Variants in NIT2 observed in about 807,000 individuals in gnomAD.
NIT2 encodes the protein omega-amidase NIT2.
A neutral mutation model predicts 42.7 loss-of-function variants in NIT2; 46 were observed. The ratio of observed to expected loss-of-function variants is 1.08; its 90% confidence interval spans 0.85 to 1.38. NIT2 has a LOEUF of 1.38. Among genes scored for constraint, NIT2 ranks in the 40% most tolerant of loss-of-function variants. The pLI, the probability that NIT2 is intolerant of heterozygous loss-of-function variation, is 0.00. For missense variants in NIT2, 309 were observed against 342.5 expected, an observed-to-expected ratio of 0.90 and a Z score of 0.77; for synonymous variants, 123 against 121.9, an observed-to-expected ratio of 1.01 and a Z score of -0.06.
intron 2 of NIT2, 96 bp downstream of exon 2, chr3:100,339,301 G>A (rs1016965354): frequency 2.4e-6 from 2 of 818,090 alleles, no homozygotes; most frequent in South Asian, 1.4e-5. Context: ...CTGGGGTCCA[G>A]CAGTGTCCCT....
chr3:100,352,289 C>T (rs1576203565), intron 7 of NIT2, 115 bp from the exon 8 acceptor site: 1 of 718,960 alleles, frequency 1.4e-6, no homozygotes. Flanking sequence ...CTTCCTTCTA[C>T]ATCTGAGTTA....
At chr3:100,341,699 G>C (rs958137213) in intron 4 of NIT2, among the ~76,000 whole-genome samples, 1 of 151,396 alleles carries the variant, frequency 6.6e-6, no homozygotes, top group Non-Finnish European at 1.5e-5. Context: ...GTATTTCATT[G>C]AATATATAGA....
chr3:100,352,037 A>AT (rs1706280387), intron 7 of NIT2, among the ~76,000 whole-genome samples: 1 of 152,232 alleles, frequency 6.6e-6, no homozygotes, highest in Non-Finnish European at 1.5e-5. Flanking sequence ...CATCAGAGAA[A>AT]TGCAAATCAA....
At chr3:100,341,008 T>A in intron 3 of NIT2, 65 bp from the exon 4 acceptor site, 2 of 1,070,260 alleles carry the variant, frequency 1.9e-6, no homozygotes, top group Admixed American at 3.7e-5. Flanking sequence ...CAGGCTTTTA[T>A]CCCTTTCTCA....
chr3:100,350,178 A>C (rs1473149614), intron 7 of NIT2, among the ~76,000 whole-genome samples: 2 of 152,148 alleles, frequency 1.3e-5, no homozygotes, highest in East Asian at 3.9e-4. Context: ...ATGTAAGGGA[A>C]AGAGGTTTTA....
intron 6 of NIT2, among the ~76,000 whole-genome samples, chr3:100,347,545 T>G (rs1178729850): frequency 6.6e-6 from 1 of 152,170 alleles, no homozygotes; most frequent in Non-Finnish European, 1.5e-5. Flanking sequence ...TCCTCCCACC[T>G]CAGCCTCCCA....
rs1005590870 is a variant in NIT2 at position 100,359,247 on chromosome 3, A to T, written c.*3979A>T. On this transcript the variant is annotated 3_prime_UTR_variant, in exon 10 of 10. Transcript: ENST00000394140. ...ATCAAATGAACAAGAATCTGCAAGA[A>T]CAGAACATGGTGGGCAGGGTCCAGT... The T allele has an allele frequency of 1.3e-5, 2 of 152,216 alleles. No homozygotes were observed. The highest frequency in any genetic ancestry group is 2.4e-5 in the African/African-American group (1 of 41,444). 9.4% of individuals were successfully genotyped at this position (152,216 alleles called of 1,614,324 possible). A position where few individuals can be genotyped will look rare whatever the true frequency, so the allele number is the denominator to read the frequency against.
intron 1 of NIT2, 85 bp from the exon 2 acceptor site, chr3:100,339,002 C>T (rs1214381): frequency 0.099 from 92,132 of 934,318 alleles, 11,877 homozygotes; most frequent in East Asian, 0.46. Flanking sequence ...GGGGACATAA[C>T]TGCCTTCCAT....
intron 7 of NIT2, among the ~76,000 whole-genome samples, chr3:100,351,673 T>A (rs35048586): frequency 1.3e-5 from 2 of 152,092 alleles, no homozygotes; most frequent in Middle Eastern, 3.2e-3. Flanking sequence ...AACCTAGGCA[T>A]TACCATTCAG....
rs753501982 is a variant in NIT2, at chr3:100,339,803, A to G, written c.127-12A>G. The G allele has an allele frequency of 1.9e-5, 30 of 1,596,198 alleles. No individual in the cohort carries two copies. Among genetic ancestry groups the G allele is most frequent in the African/African-American group, 2.7e-5 (2 of 73,756 alleles). On this transcript the variant is annotated splice_polypyrimidine_tract_variant and intron_variant, in intron 2 of 9. Coordinates refer to ENST00000394140, the MANE Select transcript of NIT2 (RefSeq NM_020202.5). ...TTTTGATCTTTTTTTTTCTCTGCCAATATTTTTCTAGGAATGCTTTAATTC... is the reference window on the plus strand; with the variant it reads ...TTTTGATCTTTTTTTTTCTCTGCCAGTATTTTTCTAGGAATGCTTTAATTC...
intron 7 of NIT2, 35 bp downstream of exon 7, chr3:100,348,916 A>G (rs779448350): frequency 1.3e-6 from 2 of 1,580,712 alleles, no homozygotes; most frequent in East Asian, 2.2e-5. Context: ...GCCTCTCGGC[A>G]TGTCCTCTTT....
rs1706316082 is a variant in NIT2 at position 100,355,340 on chromosome 3, C to A, written c.*72C>A. ...AACATAATCAACTCCCTATTAAATTCTTTAATGAAGATTTTTTTTTTAATT... is the reference window on the plus strand; with the variant it reads ...AACATAATCAACTCCCTATTAAATTATTTAATGAAGATTTTTTTTTTAATT... On this transcript the variant is annotated 3_prime_UTR_variant, in exon 10 of 10. Transcript: ENST00000394140. 2.5e-6 allele frequency: 3 copies of A among 1,184,152 alleles called. No individual in the cohort carries two copies. Among genetic ancestry groups the A allele is most frequent in the Non-Finnish European group, 3.6e-6 (3 of 822,632 alleles). 73.4% of individuals were successfully genotyped at this position (1,184,152 alleles called of 1,614,324 possible). A position where few individuals can be genotyped will look rare whatever the true frequency, so the allele number is the denominator to read the frequency against.
chr3:100,345,989 G>C, intron 5 of NIT2, 192 bp from the exon 6 acceptor site: 1 of 604,182 alleles, frequency 1.7e-6, no homozygotes, highest in South Asian at 2.0e-5. Context: ...TCTTTACTCC[G>C]CTGATGTAAA....
In NIT2 at chr3:100,339,835, T is replaced by C. The variant is rs141547481; in HGVS notation, c.147T>C (p.Tyr49=). ...VSLPECFNSP[Y]GAKYFPEYAE... ...TCTAGGAATGCTTTAATTCTCCATA[T>C]GGAGCGAAATATTTTCCTGAATATG... is the stretch of plus-strand genomic sequence containing the variant. Residue 49 remains tyrosine (Y), a synonymous_variant, in exon 3 of 10, where the codon TAT becomes TAC. Transcript: ENST00000394140. 7 of 1,609,332 alleles carry C rather than the reference T, an allele frequency of 4.3e-6. No individual in the cohort carries two copies. The African/African-American group carries it at 9.4e-5, about 22-fold the overall frequency.
rs1033316696 is a variant in NIT2 at position 100,341,187 on chromosome 3, TTTG to T, written c.336+29_336+31del. The T allele has an allele frequency of 3.9e-6, 6 of 1,541,052 alleles. No individual in the cohort carries two copies. The African/African-American group carries it at 8.2e-5, about 21-fold the overall frequency. Reference sequence around the variant, plus strand: ...GTAAGTAGGAAGTGTGGCATAAGAATTTGTTATCTCTAAGCCAGCAACAATGTG... The same window carrying T: ...GTAAGTAGGAAGTGTGGCATAAGAATTTATCTCTAAGCCAGCAACAATGTG... On this transcript the variant is annotated intron_variant, in intron 4 of 9. Coordinates refer to ENST00000394140, the MANE Select transcript of NIT2 (RefSeq NM_020202.5).
intron 6 of NIT2, among the ~76,000 whole-genome samples, chr3:100,347,674 C>T (rs886122194): frequency 2.0e-5 from 3 of 152,072 alleles, no homozygotes; most frequent in Non-Finnish European, 2.9e-5. Flanking sequence ...AAGTTGATAC[C>T]GGTGGGCTAG....
In NIT2 at chr3:100,359,415, T is replaced by G. The variant is rs746526134; in HGVS notation, c.*4147T>G. 5 of 152,258 alleles carry G rather than the reference T, an allele frequency of 3.3e-5. No individual in the cohort carries two copies. Among genetic ancestry groups the G allele is most frequent in the Middle Eastern group, 3.2e-3 (1 of 316 alleles). The allele number at this position is 152,258 out of a possible 1,614,324, so 9.4% of individuals were successfully genotyped here. A position where few individuals can be genotyped will look rare whatever the true frequency, so the allele number is the denominator to read the frequency against. ...CCTCAGAACAAAGAGCACGCCATCC[T>G]GTAAAGTACTCTTCCTGATTTTTTT... On this transcript the variant is annotated 3_prime_UTR_variant, in exon 10 of 10. Coordinates refer to ENST00000394140, the MANE Select transcript of NIT2 (RefSeq NM_020202.5).
chr3:100,361,082 A>G lies in NIT2; in HGVS notation c.*5814A>G, dbSNP rs975131742. 6.5e-6 allele frequency: 1 copy of G among 153,000 alleles called. No homozygotes were observed. The highest frequency in any genetic ancestry group is 2.4e-5 in the African/African-American group (1 of 41,440). The allele number at this position is 153,000 out of a possible 1,614,324, so 9.5% of individuals were successfully genotyped here. A position where few individuals can be genotyped will look rare whatever the true frequency, so the allele number is the denominator to read the frequency against. ...GTCTGTTGTCTGACCCAGGAGTCTCATGTCTTCTGCCAGCATTCAGAAAAC... is the reference window on the plus strand; with the variant it reads ...GTCTGTTGTCTGACCCAGGAGTCTCGTGTCTTCTGCCAGCATTCAGAAAAC... On this transcript the variant is annotated 3_prime_UTR_variant, in exon 10 of 10. Coordinates refer to ENST00000394140, the MANE Select transcript of NIT2 (RefSeq NM_020202.5).
rs1214634747 is a variant in NIT2 at position 100,345,657 on chromosome 3, A to G, written c.409A>G (p.Ser137Gly). The G allele has an allele frequency of 1.2e-6, 2 of 1,612,014 alleles. No homozygotes were observed. Among genetic ancestry groups the G allele is most frequent in the Admixed American group, 3.3e-5 (2 of 60,004 alleles). The change falls in exon 5 of 10, where the codon AGT (serine) becomes GGT (glycine). Residue 137 changes from serine to glycine, a missense_variant. Transcript: ENST00000394140. The stretch of plus-strand genomic sequence containing the variant: ...ATCTAAAACATTGAGTCCGGGTGAT[A>G]GTTTCTCCACATTTGATACTCGTAT... ...QESKTLSPGD[S>G]FSTFDTPYCR...
Sources: allele counts gnomAD v4.1 joint callset (sites outside exome capture counted in the v4.1 genomes callset), GRCh38; gene constraint gnomAD v4.1.1; transcripts MANE v1.5; gene names NCBI Gene and HGNC (gene_info 2026-07-23, HGNC 2026-07-21).